Variants in LINGO2 observed in about 807,000 individuals in gnomAD.
LINGO2 encodes leucine-rich repeat and immunoglobulin-like domain-containing nogo receptor-interacting protein 2.
In LINGO2, 14 loss-of-function variants were observed where a neutral mutation model predicts 30.6. The observed-to-expected ratio is 0.46, with a 90% CI of 0.30 to 0.72. The LOEUF (loss-of-function observed/expected upper bound fraction) is 0.72, where lower values mean the gene tolerates loss of function less well. LINGO2 is among the 30% of genes least tolerant of loss of function. LINGO2 has a pLI of 0.07. For synonymous variants in LINGO2, 317 were observed against 288.5 expected, an observed-to-expected ratio of 1.10 and a Z score of -1.00; for missense variants, 729 against 751.7, an observed-to-expected ratio of 0.97 and a Z score of 0.35.
rs1236522538 is a variant in LINGO2, at chr9:28,445,936, A to T, written c.-279+30004T>A. 2.6e-5 allele frequency among the ~76,000 whole-genome samples: 4 copies of T among 152,202 alleles called. No individual in the cohort carries two copies. In the East Asian group the frequency reaches 7.7e-4, roughly 29 times the overall value. On this transcript the variant is annotated intron_variant, in intron 2 of 5. Transcript: ENST00000379992. The stretch of plus-strand genomic sequence containing the variant: ...CTGAATTCAAAAAAGGAGAGATTCT[A>T]CCTGACCTCACATATAATTAATTCT...
the LINGO2 span, among the ~76,000 whole-genome samples, chr9:28,948,900 G>C: frequency 6.6e-6 from 1 of 151,616 alleles, no homozygotes; most frequent in Non-Finnish European, 1.5e-5. Flanking sequence ...GTACTAGATG[G>C]CACAAGTGGA....
At chr9:28,675,819 C>T in the LINGO2 span, among the ~76,000 whole-genome samples, 1 of 147,782 alleles carries the variant, frequency 6.8e-6, no homozygotes, top group Non-Finnish European at 1.5e-5. Context: ...TGCAGTGAGC[C>T]GAGATCATGC....
the LINGO2 span, among the ~76,000 whole-genome samples, chr9:28,903,900 G>A: frequency 4.7e-5 from 5 of 105,594 alleles, no homozygotes; most frequent in South Asian, 1.3e-3. Flanking sequence ...ACCAAAGGAA[G>A]ACAGGGACAG....
intron 3 of LINGO2, among the ~76,000 whole-genome samples, chr9:28,324,499 A>C (rs1032927930): frequency 6.6e-6 from 1 of 152,210 alleles, no homozygotes; most frequent in African/African-American, 2.4e-5. Context: ...CAGGTCATAA[A>C]GACCTTGCTG....
chr9:28,396,159 A>G (rs1329688124), intron 2 of LINGO2, among the ~76,000 whole-genome samples: 1 of 152,186 alleles, frequency 6.6e-6, no homozygotes, highest in Non-Finnish European at 1.5e-5. Context: ...TTTATTTAAC[A>G]GACACTTATA....
At chr9:28,296,479 C>G (rs1431523034) in intron 3 of LINGO2, among the ~76,000 whole-genome samples, 1 of 152,084 alleles carries the variant, frequency 6.6e-6, no homozygotes, top group Non-Finnish European at 1.5e-5. Flanking sequence ...GACACAGGTG[C>G]AAAAACTGAT....
the LINGO2 span, among the ~76,000 whole-genome samples, chr9:29,114,123 C>A: frequency 1.4e-5 from 2 of 140,886 alleles, no homozygotes; most frequent in African/African-American, 5.3e-5. Context: ...TTTTTGGTTC[C>A]TAACCTTAAA....
At chr9:28,707,065 T>C in the LINGO2 span, among the ~76,000 whole-genome samples, 1 of 152,176 alleles carries the variant, frequency 6.6e-6, no homozygotes, top group Non-Finnish European at 1.5e-5. Flanking sequence ...GTTTGCAATA[T>C]GAATTCATAC....
At chr9:29,181,826 A>G in the LINGO2 span, among the ~76,000 whole-genome samples, 1 of 152,200 alleles carries the variant, frequency 6.6e-6, no homozygotes, top group East Asian at 1.9e-4. Flanking sequence ...AAAAAAGGTG[A>G]GCTATCTATT....
the LINGO2 span, among the ~76,000 whole-genome samples, chr9:28,767,343 A>G: frequency 2.1e-4 from 32 of 152,342 alleles, no homozygotes; most frequent in African/African-American, 7.5e-4. Flanking sequence ...ATCCTGTAAT[A>G]CACATTAAAA....
At chr9:28,076,777 T>C (rs1285717521) in intron 4 of LINGO2, among the ~76,000 whole-genome samples, 1 of 152,152 alleles carries the variant, frequency 6.6e-6, no homozygotes, top group Admixed American at 6.6e-5. Flanking sequence ...AAAGGTCCAT[T>C]CCACTGGCTT....
the LINGO2 span, among the ~76,000 whole-genome samples, chr9:28,876,682 G>C: frequency 3.3e-5 from 5 of 152,084 alleles, no homozygotes; most frequent in South Asian, 1.0e-3. Context: ...CCAAGTCTTT[G>C]CTATTGTGAA....
chr9:29,192,947 C>A, the LINGO2 span, among the ~76,000 whole-genome samples: 1 of 152,180 alleles, frequency 6.6e-6, no homozygotes, highest in African/African-American at 2.4e-5. Flanking sequence ...GTTGTGGTAT[C>A]TTAGAGGAAG....
intron 3 of LINGO2, among the ~76,000 whole-genome samples, chr9:28,305,114 A>C (rs557266411): frequency 6.6e-6 from 1 of 152,190 alleles, no homozygotes; most frequent in South Asian, 2.1e-4. Flanking sequence ...TAATAAACTA[A>C]AAAATAAAAA....
chr9:28,816,910 A>T, the LINGO2 span, among the ~76,000 whole-genome samples: 3 of 152,152 alleles, frequency 2.0e-5, no homozygotes, highest in East Asian at 3.9e-4. Context: ...GCATTTAAGA[A>T]TTTTTTTTCC....
intron 3 of LINGO2, among the ~76,000 whole-genome samples, chr9:28,361,729 AAT>A (rs1478093357): frequency 1.3e-5 from 2 of 152,068 alleles, no homozygotes; most frequent in Admixed American, 6.6e-5. Context: ...TCATTTAATT[AAT>A]ATGTTTTTTT....
intron 4 of LINGO2, among the ~76,000 whole-genome samples, chr9:28,022,773 C>A (rs949762162): frequency 2.0e-5 from 3 of 151,868 alleles, no homozygotes; most frequent in African/African-American, 7.3e-5. Context: ...TTATTACTTA[C>A]ATTTCTTCTG....
the LINGO2 span, among the ~76,000 whole-genome samples, chr9:28,952,986 C>T: frequency 0.91 from 138,677 of 152,198 alleles, 63,318 homozygotes; most frequent in Non-Finnish European, 0.94. Context: ...CAATGTCTGG[C>T]ATTGGCATAG....
intron 1 of LINGO2, among the ~76,000 whole-genome samples, chr9:28,545,101 T>A (rs923229310): frequency 6.6e-6 from 1 of 151,862 alleles, no homozygotes; most frequent in South Asian, 2.1e-4. Context: ...TTGCTAAGGG[T>A]TTTTAGCTGC....
Sources: gnomAD v4.1 joint callset for allele counts (sites outside exome capture counted in the v4.1 genomes callset) on GRCh38, gnomAD v4.1.1 for gene constraint, MANE v1.5 for transcripts, NCBI Gene and HGNC (gene_info 2026-07-23, HGNC 2026-07-21) for gene names.